Variants in SPICE1 observed in about 807,000 individuals in gnomAD.
SPICE1 encodes spindle and centriole-associated protein 1.
Under a neutral mutation model 102.7 loss-of-function variants are expected in SPICE1, and 75 were observed. The observed-to-expected ratio is 0.73, with a 90% CI of 0.61 to 0.88. The LOEUF (loss-of-function observed/expected upper bound fraction) is 0.88, where lower values mean the gene tolerates loss of function less well. Ranked by LOEUF, SPICE1 falls within the 40% of genes least tolerant of loss-of-function variation. SPICE1 has a pLI of 0.00. For missense variants in SPICE1, 979 were observed against 1,020.1 expected, an observed-to-expected ratio of 0.96 and a Z score of 0.55; for synonymous variants, 308 against 350.3, an observed-to-expected ratio of 0.88 and a Z score of 1.35.
At chr3:113,484,576 T>A (rs1202472442) in intron 7 of SPICE1, among the ~76,000 whole-genome samples, 2 of 152,230 alleles carry the variant, frequency 1.3e-5, no homozygotes, top group Non-Finnish European at 2.9e-5. Context: ...TGGTATGTTG[T>A]GTCTTTGTTC....
intron 7 of SPICE1, among the ~76,000 whole-genome samples, chr3:113,484,565 C>G (rs59116611): frequency 6.6e-6 from 1 of 152,244 alleles, no homozygotes; most frequent in South Asian, 2.1e-4. Flanking sequence ...CCCAGAGATT[C>G]TGGTATGTTG....
At chr3:113,514,531 G>A in intron 1 of SPICE1, 1 of 402,794 alleles carries the variant, frequency 2.5e-6, no homozygotes, top group South Asian at 1.8e-5. Flanking sequence ...CACATCTCCC[G>A]CAAATCCTAA....
intron 1 of SPICE1, among the ~76,000 whole-genome samples, chr3:113,507,340 A>T (rs541689630): frequency 6.6e-6 from 1 of 152,204 alleles, no homozygotes; most frequent in East Asian, 1.9e-4. Flanking sequence ...TACAATACAT[A>T]TATATGACTT....
rs142800263 is a variant in SPICE1, at chr3:113,481,706, T to C, written c.611+7239A>G. On this transcript the variant is annotated intron_variant, in intron 7 of 17. Coordinates refer to ENST00000295872, the MANE Select transcript of SPICE1 (RefSeq NM_144718.4). ...TCTTATGTTAGTTTGCTGAGAATTA[T>C]GGTTTCCAGCTTCATCCATGTCCCT... is the stretch of plus-strand genomic sequence containing the variant. Among the ~76,000 whole-genome samples, 36 of 152,318 alleles carry C rather than the reference T, an allele frequency of 2.4e-4. No individual in the cohort carries two copies. The East Asian group carries it at 6.7e-3, about 29-fold the overall frequency.
intron 1 of SPICE1, among the ~76,000 whole-genome samples, chr3:113,509,656 A>G (rs1559979084): frequency 6.6e-6 from 1 of 152,220 alleles, no homozygotes; most frequent in Non-Finnish European, 1.5e-5. Flanking sequence ...TTCACTAACT[A>G]TAAAACAGAA....
At position 113,494,727 on chromosome 3, in the gene SPICE1, T is replaced by G. The variant is rs147660907; in HGVS notation, c.292-585A>C. Among the ~76,000 whole-genome samples, 828 of 152,150 alleles carry G rather than the reference T, an allele frequency of 5.4e-3. 10 individuals are homozygous for G. The highest frequency in any genetic ancestry group is 0.019 in the African/African-American group (793 of 41,510). ...ATACAAAATAAAAGTTTTAATTAAATAAAAAGTTAATTAAAATAAAAGTTT... is the reference window on the plus strand; with the variant it reads ...ATACAAAATAAAAGTTTTAATTAAAGAAAAAGTTAATTAAAATAAAAGTTT... On this transcript the variant is annotated intron_variant, in intron 4 of 17. Transcript: ENST00000295872.
At chr3:113,448,224 A>G (rs1935563869) in intron 15 of SPICE1, 84 bp from the exon 16 acceptor site, 1 of 1,217,050 alleles carries the variant, frequency 8.2e-7, no homozygotes, top group Non-Finnish European at 1.1e-6. Context: ...TGCAAACTGC[A>G]CATTAAAAAT....
chr3:113,489,869 A>C (rs1936729846), intron 6 of SPICE1, among the ~76,000 whole-genome samples: 1 of 146,616 alleles, frequency 6.8e-6, no homozygotes, highest in South Asian at 2.2e-4. Context: ...AAAAAAAAAA[A>C]CGCTACTTGA....
intron 4 of SPICE1, among the ~76,000 whole-genome samples, chr3:113,496,851 T>TCCA: frequency 6.6e-6 from 1 of 152,358 alleles, no homozygotes; most frequent in South Asian, 2.1e-4. Context: ...GACTAAGCAA[T>TCCA]TCTACTTTTA....
intron 7 of SPICE1, among the ~76,000 whole-genome samples, chr3:113,481,793 C>T (rs931923047): frequency 5.3e-5 from 8 of 152,178 alleles, no homozygotes; most frequent in South Asian, 2.1e-4. Flanking sequence ...ATATGTGCCA[C>T]ATTTTCTTTA....
In SPICE1 at chr3:113,457,133, T is replaced by C; in HGVS notation, c.1657+3A>G. The C allele has an allele frequency of 6.2e-7, 1 of 1,612,910 alleles. No homozygotes were observed. Among genetic ancestry groups the C allele is most frequent in the East Asian group, 2.2e-5 (1 of 44,858 alleles). On this transcript the variant is annotated splice_donor_region_variant and intron_variant, in intron 13 of 17. Coordinates refer to ENST00000295872, the MANE Select transcript of SPICE1 (RefSeq NM_144718.4). ...TTTCATGTAACTTTAGAAGAAGACT[T>C]ACCGTCCTGAAGAGGAGAGAATTTT...
In SPICE1 at chr3:113,447,669, C is replaced by T. The variant is rs575002032; in HGVS notation, c.2426+369G>A. 4.6e-5 allele frequency among the ~76,000 whole-genome samples: 7 copies of T among 152,172 alleles called. No homozygotes were observed. In the South Asian group the frequency reaches 1.4e-3, roughly 32 times the overall value. On this transcript the variant is annotated intron_variant, in intron 16 of 17. Transcript: ENST00000295872. ...TGTCACTATTTACCAATCATATGACCCATCTAGACAAATCACCCAATTAAC... is the reference window on the plus strand; with the variant it reads ...TGTCACTATTTACCAATCATATGACTCATCTAGACAAATCACCCAATTAAC...
intron 1 of SPICE1, 88 bp from the exon 2 acceptor site, chr3:113,506,693 AC>A (rs1169238879): frequency 9.7e-7 from 1 of 1,028,556 alleles, no homozygotes; most frequent in African/African-American, 1.6e-5. Flanking sequence ...GAAAAAAAAA[AC>A]AAATTTTAAA....
At chr3:113,497,168 T>G (rs954921955) in intron 4 of SPICE1, among the ~76,000 whole-genome samples, 2 of 152,208 alleles carry the variant, frequency 1.3e-5, no homozygotes, top group African/African-American at 4.8e-5. Context: ...CTGTTCTTCC[T>G]GTTTCCTGCT....
intron 4 of SPICE1, among the ~76,000 whole-genome samples, chr3:113,496,223 T>G (rs1936882329): frequency 6.6e-6 from 1 of 152,154 alleles, no homozygotes; most frequent in Non-Finnish European, 1.5e-5. Flanking sequence ...GTTTGAGTGA[T>G]CAAAGATCAG....
At chr3:113,500,215 GT>G (rs1354053779) in intron 3 of SPICE1, among the ~76,000 whole-genome samples, 20 of 152,244 alleles carry the variant, frequency 1.3e-4, no homozygotes, top group African/African-American at 4.8e-4. Context: ...GTTCACTAAG[GT>G]TCACTAAGGT....
At position 113,448,215 on chromosome 3, in the gene SPICE1, G is replaced by T; in HGVS notation, c.2324-75C>A. ...AATTTCACTCAATTTCTATCTTACTGCAAACTGCACATTAAAAATTTGGTG... is the reference window on the plus strand; with the variant it reads ...AATTTCACTCAATTTCTATCTTACTTCAAACTGCACATTAAAAATTTGGTG... On this transcript the variant is annotated intron_variant, in intron 15 of 17. Transcript: ENST00000295872. 4.7e-6 allele frequency: 6 copies of T among 1,279,862 alleles called. No individual in the cohort carries two copies. In the South Asian group the frequency reaches 4.7e-5, roughly 10 times the overall value. 79.3% of individuals were successfully genotyped at this position (1,279,862 alleles called of 1,614,324 possible).
At chr3:113,487,434 A>G (rs1455033868) in intron 7 of SPICE1, among the ~76,000 whole-genome samples, 1 of 152,188 alleles carries the variant, frequency 6.6e-6, no homozygotes, top group African/African-American at 2.4e-5. Flanking sequence ...CTATAGGTAT[A>G]TATATGTATG....
At chr3:113,465,909 AGAG>A in intron 10 of SPICE1, 125 bp from the exon 11 acceptor site, 1 of 837,634 alleles carries the variant, frequency 1.2e-6, no homozygotes, top group Non-Finnish European at 1.8e-6. Context: ...GTAATGATGA[AGAG>A]TTTTATTAAA....
Sources: gnomAD v4.1 joint callset for allele counts (sites outside exome capture counted in the v4.1 genomes callset) on GRCh38, gnomAD v4.1.1 for gene constraint, MANE v1.5 for transcripts, NCBI Gene and HGNC (gene_info 2026-07-23, HGNC 2026-07-21) for gene names.